PARD3: variants seen among roughly 807,000 people sequenced by gnomAD.
PARD3 encodes the protein par-3 family cell polarity regulator.
PARD3 carries 75 observed loss-of-function variants against 155.4 expected under a neutral mutation model. The ratio of observed to expected loss-of-function variants is 0.48; its 90% CI spans 0.40 to 0.58. The LOEUF (loss-of-function observed/expected upper bound fraction) is 0.58. Ranked by LOEUF, PARD3 falls within the 20% of genes least tolerant of loss-of-function variation. PARD3 has a pLI of 0.00. For missense variants in PARD3, 1,642 were observed against 1,721.7 expected, an observed-to-expected ratio of 0.95 and a Z score of 0.82; for synonymous variants, 576 against 610.5, an observed-to-expected ratio of 0.94 and a Z score of 0.83.
At chr10:34,321,810 C>T (rs1346399823) in intron 19 of PARD3, among the ~76,000 whole-genome samples, 2 of 152,116 alleles carry the variant, frequency 1.3e-5, no homozygotes, top group Non-Finnish European at 2.9e-5. Flanking sequence ...CGGGCATTTA[C>T]GTGTTAATGA....
intron 2 of PARD3, among the ~76,000 whole-genome samples, chr10:34,586,821 T>A (rs976402600): frequency 6.6e-6 from 1 of 151,964 alleles, no homozygotes; most frequent in Non-Finnish European, 1.5e-5. Flanking sequence ...TAGTGGCACA[T>A]GCCTGTAATC....
At chr10:34,148,261 T>A (rs919983360) in intron 22 of PARD3, among the ~76,000 whole-genome samples, 25 of 152,182 alleles carry the variant, frequency 1.6e-4, no homozygotes, top group African/African-American at 5.8e-4. Flanking sequence ...AGAAAATACA[T>A]ACTGAAATAT....
At chr10:34,271,933 T>C (rs529967157) in intron 21 of PARD3, among the ~76,000 whole-genome samples, 17 of 152,348 alleles carry the variant, frequency 1.1e-4, no homozygotes, top group African/African-American at 4.1e-4. Flanking sequence ...AATGCAATGC[T>C]ATTTATAATC....
chr10:34,203,382 A>C (rs936065018), intron 22 of PARD3, among the ~76,000 whole-genome samples: 1 of 152,176 alleles, frequency 6.6e-6, no homozygotes, highest in African/African-American at 2.4e-5. Flanking sequence ...AGCCTTCTGC[A>C]TTCATCTGCA....
chr10:34,600,601 C>G (rs1408769146), intron 2 of PARD3, among the ~76,000 whole-genome samples: 1 of 151,988 alleles, frequency 6.6e-6, no homozygotes, highest in East Asian at 1.9e-4. Context: ...ACTGACTGAC[C>G]CAGATACAGG....
At chr10:34,713,320 A>G (rs1373000176) in intron 1 of PARD3, among the ~76,000 whole-genome samples, 6 of 152,208 alleles carry the variant, frequency 3.9e-5, no homozygotes, top group Non-Finnish European at 7.3e-5. Flanking sequence ...TGGAATAGTG[A>G]AAGCTGTATC....
chr10:34,501,486 C>T (rs1460166165), intron 3 of PARD3, among the ~76,000 whole-genome samples: 12 of 152,050 alleles, frequency 7.9e-5, no homozygotes, highest in African/African-American at 2.9e-4. Context: ...TACCCCAGTC[C>T]CAGGTATTTC....
intron 3 of PARD3, among the ~76,000 whole-genome samples, chr10:34,493,151 C>T (rs2080032598): frequency 6.6e-6 from 1 of 152,188 alleles, no homozygotes; most frequent in African/African-American, 2.4e-5. Context: ...TGCATTTGTG[C>T]ATATTTCCCT....
chr10:34,753,955 A>G (rs1277315363), intron 1 of PARD3, among the ~76,000 whole-genome samples: 1 of 152,142 alleles, frequency 6.6e-6, no homozygotes, highest in Non-Finnish European at 1.5e-5. Context: ...GTTTTTTATG[A>G]TAACGTAGAA....
At chr10:34,443,534 C>T (rs975707590) in intron 5 of PARD3, among the ~76,000 whole-genome samples, 5 of 152,108 alleles carry the variant, frequency 3.3e-5, no homozygotes, top group Non-Finnish European at 7.4e-5. Flanking sequence ...TCACATCTTA[C>T]ATGGATGGCG....
At chr10:34,479,347 GAGACAGGGTTTCACTGTGTTAGCC>G (rs2078920260) in intron 3 of PARD3, among the ~76,000 whole-genome samples, 7 of 151,848 alleles carry the variant, frequency 4.6e-5, no homozygotes, top group Non-Finnish European at 2.9e-5. Context: ...ATTTTTAGTA[GAGACAGGGTTTCACTGTGTTAGCC>G]AGAATGGACT....
intron 22 of PARD3, among the ~76,000 whole-genome samples, chr10:34,221,195 C>A (rs756213196): frequency 6.6e-6 from 1 of 152,138 alleles, no homozygotes; most frequent in African/African-American, 2.4e-5. Context: ...GGGTTAAAGG[C>A]GCACGTGCAT....
At chr10:34,527,356 C>T (rs1486549455) in intron 2 of PARD3, among the ~76,000 whole-genome samples, 1 of 152,200 alleles carries the variant, frequency 6.6e-6, no homozygotes, top group Non-Finnish European at 1.5e-5. Flanking sequence ...CCTTTACCTG[C>T]TGACTTCACA....
chr10:34,663,228 C>A (rs1247069818), intron 2 of PARD3, among the ~76,000 whole-genome samples: 1 of 152,038 alleles, frequency 6.6e-6, no homozygotes, highest in South Asian at 2.1e-4. Context: ...TTTGGGAGGG[C>A]CAGGGCGGGT....
At chr10:34,173,573 T>C (rs1949901024) in intron 22 of PARD3, among the ~76,000 whole-genome samples, 1 of 152,198 alleles carries the variant, frequency 6.6e-6, no homozygotes, top group Admixed American at 6.5e-5. Flanking sequence ...ATTTTCCTCT[T>C]GAGTAAACTG....
In PARD3 at chr10:34,317,269, G is replaced by A. The variant is rs1048974398; in HGVS notation, c.2903C>T (p.Ser968Phe). 8 of 1,613,564 alleles carry A rather than the reference G, an allele frequency of 5.0e-6. No individual in the cohort carries two copies. Among genetic ancestry groups the A allele is most frequent in the Non-Finnish European group, 5.9e-6 (7 of 1,179,910 alleles). The change falls in exon 20 of 25, where the codon TCC (serine) becomes TTC (phenylalanine). Residue 968 changes from serine to phenylalanine, a missense_variant. Around this residue, in one of 3 missense-constraint regions of PARD3, gnomAD observed 1,529 missense variants for 1,587.3 expected, o/e 0.96. Coordinates refer to ENST00000374788, the MANE Select transcript of PARD3 (RefSeq NM_001184785.2). Reference protein sequence around the residue: ...ESVSTASDQPSHSLERQMNGN... With the variant: ...ESVSTASDQPFHSLERQMNGN... The stretch of plus-strand genomic sequence containing the variant: ...ATTCATTTGTCTCTCCAGAGAGTGG[G>A]AAGGCTGATCACTGGCTGTGGATAC...
chr10:34,451,346 T>G (rs1368785972), intron 4 of PARD3, among the ~76,000 whole-genome samples: 4 of 152,148 alleles, frequency 2.6e-5, no homozygotes. Context: ...TTGGATCCAC[T>G]TAACTCAGTA....
At position 34,638,779 on chromosome 10, in the gene PARD3, G is replaced by A. The variant is rs938541366; in HGVS notation, c.222+57539C>T. Among the ~76,000 whole-genome samples the A allele has an allele frequency of 4.6e-5, 7 of 152,278 alleles. No individual in the cohort carries two copies. In the East Asian group the frequency reaches 5.8e-4, roughly 13 times the overall value. On this transcript the variant is annotated intron_variant, in intron 2 of 24. Transcript: ENST00000374788. ...CCTTCAACCTGTCTGGCAAAACCAC[G>A]TAAAAATCTTATGCTTTCAGCAGGC... is the stretch of plus-strand genomic sequence containing the variant.
chr10:34,329,252 G>A (rs1835363108), intron 19 of PARD3, among the ~76,000 whole-genome samples: 1 of 152,050 alleles, frequency 6.6e-6, no homozygotes, highest in Non-Finnish European at 1.5e-5. Context: ...TTTGAAATGA[G>A]TGAAATATTA....
Sources: allele counts gnomAD v4.1 joint callset (sites outside exome capture counted in the v4.1 genomes callset), GRCh38; gene constraint gnomAD v4.1.1; regional missense constraint gnomAD v4.1.1; transcripts MANE v1.5; gene names NCBI Gene and HGNC (gene_info 2026-07-23, HGNC 2026-07-21).